The following NBPF10 variants were observed in gnomAD, a reference collection of about 807,000 sequenced individuals.
NBPF10 encodes NBPF family member NBPF10.
NBPF10 carries 63 observed loss-of-function variants against 77.9 expected under a neutral mutation model. That is an observed-to-expected ratio of 0.81 (90% CI 0.66 to 1.00). The LOEUF (loss-of-function observed/expected upper bound fraction) is 1.00. NBPF10 is among the 50% of genes least tolerant of loss of function. NBPF10 has a pLI of 0.00. For synonymous variants in NBPF10, 146 were observed against 264.5 expected, an observed-to-expected ratio of 0.55 and a Z score of 4.35; for missense variants, 522 against 679.8, an observed-to-expected ratio of 0.77 and a Z score of 2.58.
chr1:146,126,289 C>G (rs782574247), exon 14 of NBPF10: 14 of 1,603,052 alleles, frequency 8.7e-6, no homozygotes, highest in Non-Finnish European at 1.0e-5. Context: ...GTAAAAGGCA[C>G]TTCTGTAGGG....
chr1:146,136,399 T>G (rs1553794962), exon 7 of NBPF10: 1 of 1,611,054 alleles, frequency 6.2e-7, no homozygotes. Context: ...TTCTCCTCCT[T>G]GAACTGTCGC....
chr1:146,132,986 G>A, intron 10 of NBPF10, among the ~76,000 whole-genome samples: 1 of 16,914 alleles, frequency 5.9e-5, no homozygotes, highest in African/African-American at 1.4e-4. Context: ...ACAGGGTGGA[G>A]AACCAGGGTC....
chr1:146,066,269 T>A, exon 90 of NBPF10: 1 of 584,094 alleles, frequency 1.7e-6, no homozygotes, highest in Non-Finnish European at 3.0e-6. Context: ...TTCACTTGCC[T>A]ATAGGTCCTG....
intron 15 of NBPF10, among the ~76,000 whole-genome samples, chr1:146,125,171 G>A (rs1203314830): frequency 1.7e-4 from 3 of 17,874 alleles, no homozygotes; most frequent in South Asian, 2.7e-3. Context: ...GACACACAGC[G>A]AACAGTGATC....
intron 14 of NBPF10, 127 bp from the exon 15 acceptor site, chr1:146,125,643 A>G: frequency 1.9e-6 from 1 of 523,766 alleles, no homozygotes; most frequent in Non-Finnish European, 3.4e-6. Context: ...TGTGAGAGAT[A>G]TTCTTCAGGA....
Position 146,124,955 on chromosome 1 carries a change from A to C in NBPF10, c.2079-95T>G, listed in dbSNP as rs1194251874. ...CATGGCTAACATAAGGAACTGTTTAAAAAGAAAAAGGACAGATCCATTAAC... is the reference window on the plus strand; with the variant it reads ...CATGGCTAACATAAGGAACTGTTTACAAAGAAAAAGGACAGATCCATTAAC... On this transcript the variant is annotated intron_variant, in intron 15 of 89. Transcript: ENST00000583866. The C allele has an allele frequency of 1.6e-3, 251 of 158,098 alleles. 36 individuals carry two copies. The highest frequency in any genetic ancestry group is 8.4e-3 in the South Asian group (235 of 27,876). 9.8% of individuals were successfully genotyped at this position (158,098 alleles called of 1,614,324 possible).
intron 11 of NBPF10, among the ~76,000 whole-genome samples, chr1:146,128,961 G>T (rs1286445133): frequency 5.3e-5 from 8 of 151,594 alleles, no homozygotes; most frequent in Admixed American, 3.9e-4. Flanking sequence ...CAACAAAAAA[G>T]ACATCTACCC....
At position 146,122,392 on chromosome 1, in the gene NBPF10, C is replaced by G; in HGVS notation, c.2477-1G>C. On this transcript the variant is annotated splice_acceptor_variant, in intron 18 of 89. Coordinates refer to ENST00000583866, the Ensembl canonical transcript of NBPF10. LOFTEE classifies it high-confidence loss of function. Reference sequence around the variant, plus strand: ...TTCCCCTTCCCCTTCTTTTCAATTTCTGCAATAAATTCAGACATGGACAGA... The same window carrying G: ...TTCCCCTTCCCCTTCTTTTCAATTTGTGCAATAAATTCAGACATGGACAGA... 1 of 116,324 alleles carries G rather than the reference C, an allele frequency of 8.6e-6. No individual in the cohort carries two copies. Among genetic ancestry groups the G allele is most frequent in the South Asian group, 5.6e-5 (1 of 17,826 alleles). 7.2% of individuals were successfully genotyped at this position (116,324 alleles called of 1,614,324 possible).
chr1:146,069,350 G>C (rs1452238288), intron 86 of NBPF10, among the ~76,000 whole-genome samples, 193 bp downstream of exon 86: 1 of 92,080 alleles, frequency 1.1e-5, no homozygotes, highest in Non-Finnish European at 2.2e-5. Context: ...ACTAGGAAGA[G>C]AGCCTTGCTC....
At chr1:146,126,439 C>G in intron 13 of NBPF10, 31 bp from the exon 14 acceptor site, 1 of 939,196 alleles carries the variant, frequency 1.1e-6, no homozygotes, top group Non-Finnish European at 1.8e-6. Flanking sequence ...AAAGAATAAG[C>G]CAGGGGGAAT....
intron 5 of NBPF10, among the ~76,000 whole-genome samples, chr1:146,139,292 G>A (rs1208635042): frequency 6.8e-6 from 1 of 146,504 alleles, no homozygotes; most frequent in Admixed American, 6.9e-5. Flanking sequence ...TGTATTTTTA[G>A]TAAAGACGGG....
chr1:146,081,030 C>CACAG (rs1553781513), intron 71 of NBPF10, among the ~76,000 whole-genome samples: 25 of 35,476 alleles, frequency 7.0e-4, no homozygotes, highest in African/African-American at 1.3e-3. Flanking sequence ...CACACACACA[C>CACAG]AGAGAGAGAG....
chr1:146,129,772 C>T (rs320831), intron 11 of NBPF10, among the ~76,000 whole-genome samples: 3 of 54,258 alleles, frequency 5.5e-5, no homozygotes, highest in African/African-American at 1.9e-4. Flanking sequence ...AAAGGGAAAC[C>T]CATCAGACTA....
intron 19 of NBPF10, among the ~76,000 whole-genome samples, 198 bp from the exon 20 acceptor site, chr1:146,121,868 G>C (rs1369706937): frequency 3.9e-3 from 536 of 135,740 alleles, no homozygotes; most frequent in African/African-American, 0.011. Context: ...GACAGAGAGA[G>C]AGAGACAGAG....
intron 12 of NBPF10, 132 bp from the exon 13 acceptor site, chr1:146,127,211 C>G (rs77824675): frequency 3.4e-6 from 2 of 587,992 alleles, no homozygotes; most frequent in Non-Finnish European, 5.8e-6. Flanking sequence ...GAGAAATATT[C>G]CAGTAGGCCT....
At chr1:146,134,202 G>C (rs587622795) in exon 9 of NBPF10, 1 of 1,388,100 alleles carries the variant, frequency 7.2e-7, no homozygotes, top group Admixed American at 2.1e-5. Context: ...CCTGGGGGCA[G>C]ATGATTTCTG....
chr1:146,126,179 A>G, intron 14 of NBPF10, 57 bp downstream of exon 14: 1 of 935,782 alleles, frequency 1.1e-6, no homozygotes, highest in Non-Finnish European at 1.8e-6. Flanking sequence ...CAGTAGGAAT[A>G]TGACCCTAAC....
At chr1:146,126,452 G>GA in intron 13 of NBPF10, 44 bp from the exon 14 acceptor site, 1 of 811,204 alleles carries the variant, frequency 1.2e-6, no homozygotes. Flanking sequence ...GGGGGAATCA[G>GA]AAACCACACA....
chr1:146,125,819 G>C (rs373272379), intron 14 of NBPF10, among the ~76,000 whole-genome samples: 2 of 149,212 alleles, frequency 1.3e-5, no homozygotes, highest in African/African-American at 2.5e-5. Context: ...CCCCCAAATG[G>C]TTGCTAGGAG....
Sources: allele counts gnomAD v4.1 joint callset (sites outside exome capture counted in the v4.1 genomes callset), GRCh38; gene constraint gnomAD v4.1.1; transcripts MANE v1.5; gene names NCBI Gene and HGNC (gene_info 2026-07-23, HGNC 2026-07-21).